Variants in DIP2B observed in about 807,000 individuals in gnomAD.
DIP2B encodes disco-interacting protein 2 homolog B.
In DIP2B, 76 loss-of-function variants were observed where a neutral mutation model predicts 198.0. The observed-to-expected ratio is 0.38, with a 90% CI of 0.32 to 0.46. The LOEUF (loss-of-function observed/expected upper bound fraction) is 0.46, where lower values mean the gene tolerates loss of function less well. Among genes scored for constraint, DIP2B ranks in the 20% least tolerant of loss-of-function variants. The pLI, the probability that DIP2B is intolerant of heterozygous loss-of-function variation, is 0.99. For synonymous variants in DIP2B, 701 were observed against 739.1 expected, an observed-to-expected ratio of 0.95 and a Z score of 0.84; for missense variants, 1,559 against 1,978.4, an observed-to-expected ratio of 0.79 and a Z score of 4.02.
chr12:50,670,463 T>C (rs538871502), intron 4 of DIP2B, among the ~76,000 whole-genome samples: 2 of 152,136 alleles, frequency 1.3e-5, no homozygotes. Flanking sequence ...TTGCCCAGGC[T>C]AGAGTGCAGT....
At chr12:50,729,461 C>A (rs1344297738) in intron 30 of DIP2B, among the ~76,000 whole-genome samples, 3 of 152,148 alleles carry the variant, frequency 2.0e-5, no homozygotes, top group Admixed American at 2.0e-4. Flanking sequence ...GAGGTGGAGA[C>A]CACACCACCA....
intron 14 of DIP2B, among the ~76,000 whole-genome samples, chr12:50,695,001 T>C (rs1939285907): frequency 6.6e-6 from 1 of 152,122 alleles, no homozygotes; most frequent in Non-Finnish European, 1.5e-5. Flanking sequence ...GGAACAAATA[T>C]CTATGAAAAT....
Position 50,685,936 on chromosome 12 carries a change from GAGAAATT to G in DIP2B, c.1422_1428del (p.Glu475TyrfsTer13). On this transcript the variant is annotated frameshift_variant, in exon 11 of 38. Coordinates refer to ENST00000301180, the MANE Select transcript of DIP2B (RefSeq NM_173602.3). LOFTEE classifies it high-confidence loss of function. ...AAAGGACTGCCAAAAACCCAGAATG[GAGAAATT>G]GTACAGTTTAAAGGTTAGTAACATT... 6.2e-7 allele frequency: 1 copy of G among 1,613,796 alleles called. No individual in the cohort carries two copies. The highest frequency in any genetic ancestry group is 8.5e-7 in the Non-Finnish European group (1 of 1,179,778).
chr12:50,564,962 C>T (rs118026043), intron 1 of DIP2B, among the ~76,000 whole-genome samples: 4,203 of 152,180 alleles, frequency 0.028, 98 homozygotes, highest in Non-Finnish European at 0.038. Flanking sequence ...TTTTTCTGCA[C>T]GTATTGAGGC....
intron 2 of DIP2B, among the ~76,000 whole-genome samples, chr12:50,634,513 G>A (rs1225416044): frequency 6.6e-6 from 1 of 152,094 alleles, no homozygotes; most frequent in Admixed American, 6.6e-5. Flanking sequence ...ATACTGTTTC[G>A]ACACCAAGGA....
chr12:50,568,222 A>G (rs1958582857), intron 1 of DIP2B, among the ~76,000 whole-genome samples: 1 of 152,134 alleles, frequency 6.6e-6, no homozygotes, highest in South Asian at 2.1e-4. Context: ...CTTTGGAACT[A>G]CTGTACATAT....
At chr12:50,546,680 A>G (rs1958380159) in intron 1 of DIP2B, among the ~76,000 whole-genome samples, 1 of 152,206 alleles carries the variant, frequency 6.6e-6, no homozygotes, top group Non-Finnish European at 1.5e-5. Context: ...TTGCAGATAG[A>G]TAATAGGTGC....
intron 26 of DIP2B, 69 bp from the exon 27 acceptor site, chr12:50,723,133 T>G: frequency 6.3e-7 from 1 of 1,581,318 alleles, no homozygotes; most frequent in South Asian, 1.1e-5. Context: ...TTTGGAAAAT[T>G]TGCCTTTTAG....
At chr12:50,668,557 A>G (rs1938795835) in intron 4 of DIP2B, among the ~76,000 whole-genome samples, 1 of 152,204 alleles carries the variant, frequency 6.6e-6, no homozygotes, top group African/African-American at 2.4e-5. Flanking sequence ...AACATAATGA[A>G]ACCCATTTTC....
intron 3 of DIP2B, chr12:50,654,932 C>A: frequency 2.3e-6 from 1 of 425,744 alleles, no homozygotes; most frequent in South Asian, 1.7e-5. Context: ...AGTAGTAATG[C>A]AGTGTGGTAA....
At chr12:50,671,498 C>CT (rs1209389986) in intron 5 of DIP2B, 100 bp downstream of exon 5, 3 of 1,174,898 alleles carry the variant, frequency 2.6e-6, no homozygotes, top group African/African-American at 1.5e-5. Context: ...TCAGTATGGC[C>CT]TAAAAAAAAG....
chr12:50,513,636 G>A (rs1010742829), intron 1 of DIP2B, among the ~76,000 whole-genome samples: 3 of 152,164 alleles, frequency 2.0e-5, no homozygotes, highest in Admixed American at 6.5e-5. Context: ...TACTTTGGGA[G>A]GCTGAGGTGG....
chr12:50,716,580 T>G (rs1021853381), intron 23 of DIP2B, among the ~76,000 whole-genome samples: 2 of 152,160 alleles, frequency 1.3e-5, no homozygotes, highest in African/African-American at 4.8e-5. Flanking sequence ...GGTACAAAGA[T>G]TTTCCTTACA....
intron 1 of DIP2B, among the ~76,000 whole-genome samples, chr12:50,623,527 A>ATG (rs1555188163): frequency 7.8e-6 from 1 of 128,530 alleles, no homozygotes; most frequent in Non-Finnish European, 1.8e-5. Flanking sequence ...ACACACACAC[A>ATG]CGCACACACA....
At chr12:50,719,854 G>T (rs930308308) in intron 25 of DIP2B, among the ~76,000 whole-genome samples, 2 of 145,706 alleles carry the variant, frequency 1.4e-5, no homozygotes, top group African/African-American at 5.0e-5. Context: ...AATAAAAAAA[G>T]AAAAAATATA....
In DIP2B at chr12:50,741,432, G is replaced by T; in HGVS notation, c.4371G>T (p.Leu1457Phe). 1 of 1,613,982 alleles carries T rather than the reference G, an allele frequency of 6.2e-7. No homozygotes were observed. The highest frequency in any genetic ancestry group is 1.3e-5 in the African/African-American group (1 of 75,030). The change falls in exon 37 of 38, where the codon TTG becomes TTT. Residue 1457 changes from leucine (L) to phenylalanine (F), a missense_variant. Leu to Phe is a conservative substitution (Grantham distance 22). Coordinates refer to ENST00000301180, the MANE Select transcript of DIP2B (RefSeq NM_173602.3). ...TTCTGTCAGAGCGTCATGATGCATT[G>T]TATGTGGTGGGAGCGCTGGATGAAA... ...TAATGERHDALYVVGALDETL... is the reference protein window; with the variant it reads ...TAATGERHDAFYVVGALDETL...
chr12:50,574,017 G>A (rs1325170118), intron 1 of DIP2B, among the ~76,000 whole-genome samples: 1 of 152,150 alleles, frequency 6.6e-6, no homozygotes, highest in Non-Finnish European at 1.5e-5. Flanking sequence ...GAAAGTGAAT[G>A]GAACATTCAG....
chr12:50,716,957 G>GTTTTTTTTTTTTTTT (rs1592140618), intron 23 of DIP2B, among the ~76,000 whole-genome samples: 1 of 7,792 alleles, frequency 1.3e-4, no homozygotes, highest in Non-Finnish European at 4.5e-4. Flanking sequence ...ACGAATTGTT[G>GTTTTTTTTTTTTTTT]CTTTTTTTTT....
At chr12:50,659,909 C>G (rs1938615824) in intron 3 of DIP2B, among the ~76,000 whole-genome samples, 2 of 152,062 alleles carry the variant, frequency 1.3e-5, no homozygotes, top group African/African-American at 4.8e-5. Flanking sequence ...CTGTCCCCAC[C>G]CACCTCCCCA....
Sources: allele counts gnomAD v4.1 joint callset (sites outside exome capture counted in the v4.1 genomes callset), GRCh38; gene constraint gnomAD v4.1.1; transcripts MANE v1.5; gene names NCBI Gene and HGNC (gene_info 2026-07-23, HGNC 2026-07-21).